The following MRC2 variants were observed in gnomAD, a reference collection of about 807,000 sequenced individuals.
MRC2 encodes C-type mannose receptor 2.
In MRC2, 84 loss-of-function variants were observed where a neutral mutation model predicts 206.2. The ratio of observed to expected loss-of-function variants is 0.41; its 90% CI spans 0.34 to 0.49. MRC2 has a LOEUF of 0.49. MRC2 is among the 20% of genes least tolerant of loss of function. MRC2 has a pLI of 0.31. For missense variants in MRC2, 1,676 were observed against 2,001.5 expected (o/e 0.84, Z 3.10); for synonymous variants, 798 against 800.0 (o/e 1.00, Z 0.04).
chr17:62,635,937 G>A (rs2088310593), intron 1 of MRC2, among the ~76,000 whole-genome samples: 3 of 151,640 alleles, frequency 2.0e-5, no homozygotes, highest in South Asian at 2.1e-4. Context: ...ACAGGCGCCC[G>A]CCACCACGCC....
chr17:62,641,983 T>C (rs1319547036), intron 1 of MRC2, among the ~76,000 whole-genome samples: 1 of 152,172 alleles, frequency 6.6e-6, no homozygotes, highest in Non-Finnish European at 1.5e-5. Flanking sequence ...CCTAAATACT[T>C]CAACATGTAA....
chr17:62,665,419 AAAAAAG>A (rs1221421063), intron 2 of MRC2, among the ~76,000 whole-genome samples: 1 of 151,940 alleles, frequency 6.6e-6, no homozygotes, highest in Non-Finnish European at 1.5e-5. Context: ...CCCACAAAAA[AAAAAAG>A]AAAAGAAAAG....
chr17:62,673,581 T>C (rs1414724819), intron 8 of MRC2, among the ~76,000 whole-genome samples: 2 of 148,210 alleles, frequency 1.3e-5, no homozygotes, highest in Non-Finnish European at 3.0e-5. Flanking sequence ...CGATCTTGGC[T>C]CACTGGAACC....
chr17:62,688,610 C>G lies in MRC2; in HGVS notation c.3171C>G (p.Asn1057Lys). Residue 1057 changes from asparagine to lysine, a missense_variant, in exon 22 of 30, where the codon AAC becomes AAG. Around this residue, in one of 3 missense-constraint regions of MRC2, gnomAD observed 1,354 missense variants for 1,636.6 expected, o/e 0.83. Transcript: ENST00000303375. ...AGCAGGAGCCTTTGATGTATGCCAACTGGGCACCTGGGGAGCCCTCTGGCC... is the reference window on the plus strand; with the variant it reads ...AGCAGGAGCCTTTGATGTATGCCAAGTGGGCACCTGGGGAGCCCTCTGGCC... ...WVEQEPLMYA[N>K]WAPGEPSGPS... The G allele has an allele frequency of 6.2e-7, 1 of 1,614,206 alleles. No homozygotes were observed.
In MRC2 at chr17:62,680,752, T is replaced by C. The variant is rs1408057121; in HGVS notation, c.2474-48T>C. The C allele has an allele frequency of 6.7e-7, 1 of 1,485,764 alleles. No homozygotes were observed. The highest frequency in any genetic ancestry group is 1.4e-5 in the South Asian group (1 of 72,060). The allele number at this position is 1,485,764 out of a possible 1,614,324, so 92.0% of individuals were successfully genotyped here. A position where few individuals can be genotyped will look rare whatever the true frequency, so the allele number is the denominator to read the frequency against. ...CCGCGCCCGCCTCCGGGGCCTGGCG[T>C]GCAGCCTCTGCCTGGCCGCCGCTCC... is the stretch of plus-strand genomic sequence containing the variant. On this transcript the variant is annotated intron_variant, in intron 16 of 29. Transcript: ENST00000303375. The surrounding 1 kb of genome is among the most constrained non-coding windows in gnomAD (Gnocchi z 4.8).
chr17:62,667,414 A>G lies in MRC2; in HGVS notation c.998A>G (p.Glu333Gly), dbSNP rs1266371680. The change falls in exon 6 of 30, where the codon GAG becomes GGG. Residue 333 changes from glutamate to glycine, a missense_variant. Glu to Gly is a moderately conservative substitution (Grantham distance 98). Transcript: ENST00000303375. This position sits in a 1 kb window ranked among gnomAD's most constrained non-coding sequence, Gnocchi z 4.1. ...ESDQPDNPSE[E>G]NCGVIRTESS... ...GACCAGCCGGACAACCCCAGTGAGG[A>G]GAACTGTGGAGTGATCCGCACTGAG... is the stretch of plus-strand genomic sequence containing the variant. 1.2e-6 allele frequency: 2 copies of G among 1,608,218 alleles called. No individual in the cohort carries two copies. Among genetic ancestry groups the G allele is most frequent in the Non-Finnish European group, 1.7e-6 (2 of 1,178,252 alleles).
chr17:62,648,225 G>A (rs1234975726), intron 1 of MRC2, among the ~76,000 whole-genome samples: 3 of 152,196 alleles, frequency 2.0e-5, no homozygotes, highest in Non-Finnish European at 4.4e-5. Flanking sequence ...CCAACATGGC[G>A]AAACCCCATC....
chr17:62,653,361 A>ACCCCCACCCCCG (rs368773251), intron 1 of MRC2, among the ~76,000 whole-genome samples: 17 of 151,200 alleles, frequency 1.1e-4, no homozygotes. Context: ...AGCCCGCATT[A>ACCCCCACCCCCG]CCCCCACCCC....
chr17:62,675,068 C>T lies in MRC2; in HGVS notation c.1570-722C>T, dbSNP rs2088874547. On this transcript the variant is annotated intron_variant, in intron 9 of 29. Coordinates refer to ENST00000303375, the MANE Select transcript of MRC2 (RefSeq NM_006039.5). The surrounding 1 kb of genome is among the most constrained non-coding windows in gnomAD (Gnocchi z 4.1). Reference sequence around the variant, plus strand: ...AGTCTGTGGACTGGCAAGGACAGTGCCTGGCCCAGGGGCTGTGTCATGGCT... The same window carrying T: ...AGTCTGTGGACTGGCAAGGACAGTGTCTGGCCCAGGGGCTGTGTCATGGCT... Among the ~76,000 whole-genome samples the T allele has an allele frequency of 3.3e-5, 5 of 152,154 alleles. No individual in the cohort carries two copies. The highest frequency in any genetic ancestry group is 3.3e-4 in the Admixed American group (5 of 15,280).
chr17:62,639,481 G>A (rs1313848075), intron 1 of MRC2, among the ~76,000 whole-genome samples: 4 of 152,186 alleles, frequency 2.6e-5, no homozygotes, highest in Non-Finnish European at 2.9e-5. Context: ...CTGACTGGGG[G>A]ACTGTAAATT....
chr17:62,638,054 G>C (rs890033319), intron 1 of MRC2, among the ~76,000 whole-genome samples: 2 of 152,014 alleles, frequency 1.3e-5, no homozygotes, highest in Non-Finnish European at 2.9e-5. Context: ...GTAGTGGGAG[G>C]GTCTTCCTAT....
chr17:62,689,120 C>G (rs1375237385), intron 23 of MRC2, among the ~76,000 whole-genome samples, 160 bp downstream of exon 23: 1 of 152,116 alleles, frequency 6.6e-6, no homozygotes, highest in Non-Finnish European at 1.5e-5. Context: ...GATGGAAAAG[C>G]AATAGCACCC....
chr17:62,628,162 G>T (rs1230897373), intron 1 of MRC2, among the ~76,000 whole-genome samples: 1 of 152,032 alleles, frequency 6.6e-6, no homozygotes, highest in Non-Finnish European at 1.5e-5. Flanking sequence ...CGGGCGGCGG[G>T]GGAGGGGAGC....
At chr17:62,682,934 CCCGGCCTGATTG>C (rs1190560284) in intron 20 of MRC2, among the ~76,000 whole-genome samples, 1 of 152,194 alleles carries the variant, frequency 6.6e-6, no homozygotes, top group East Asian at 1.9e-4. Context: ...AGCCACCGCG[CCCGGCCTGATTG>C]CCGGCCTGAT....
At chr17:62,690,594 C>A (rs1292532198) in intron 26 of MRC2, 48 bp from the exon 27 acceptor site, 1 of 1,378,840 alleles carries the variant, frequency 7.3e-7, no homozygotes, top group Non-Finnish European at 9.4e-7. Context: ...GGGACTCTGC[C>A]CCCCCCGGAG....
intron 6 of MRC2, among the ~76,000 whole-genome samples, chr17:62,668,250 G>T (rs1304428897): frequency 6.6e-6 from 1 of 151,936 alleles, no homozygotes; most frequent in Non-Finnish European, 1.5e-5. Context: ...TACTAGGGAG[G>T]TCGAGGTGGG....
rs781229980 is a variant in MRC2 at position 62,664,919 on chromosome 17, G to A, written c.490G>A (p.Glu164Lys). The A allele has an allele frequency of 3.9e-5, 63 of 1,611,350 alleles. No individual in the cohort carries two copies. In the East Asian group the frequency reaches 8.7e-4, roughly 22 times the overall value. ...TGGCCAGTGGCGCATCTACGGCAGC[G>A]AGGAGGACCTATGTGCTCTGCCCTA... Reference protein sequence around the residue: ...RSGQWRIYGSEEDLCALPYHE... With the variant: ...RSGQWRIYGSKEDLCALPYHE... Residue 164 changes from glutamate (E) to lysine (K), a missense_variant, in exon 2 of 30, where the codon GAG (glutamate) becomes AAG (lysine). Coordinates refer to ENST00000303375, the MANE Select transcript of MRC2 (RefSeq NM_006039.5). The surrounding 1 kb of genome is among the most constrained non-coding windows in gnomAD (Gnocchi z 4.7).
chr17:62,676,506 C>T lies in MRC2; in HGVS notation c.1809C>T (p.Tyr603=). Residue 603 remains tyrosine (Y), a synonymous_variant, in exon 11 of 30, where the codon TAC becomes TAT. Transcript: ENST00000303375. ...FFWLSGDEVM[Y]THWNRDQPGY... ...GGCTCAGTGGGGATGAAGTCATGTACACCCACTGGAACCGGGACCAGCCCG... is the reference window on the plus strand; with the variant it reads ...GGCTCAGTGGGGATGAAGTCATGTATACCCACTGGAACCGGGACCAGCCCG... 1 of 1,604,222 alleles carries T rather than the reference C, an allele frequency of 6.2e-7. No individual in the cohort carries two copies. The highest frequency in any genetic ancestry group is 8.5e-7 in the Non-Finnish European group (1 of 1,175,440).
rs898203234 is a variant in MRC2 at position 62,667,273 on chromosome 17, C to T, written c.974-117C>T. 1.6e-5 allele frequency: 22 copies of T among 1,363,372 alleles called. No homozygotes were observed. The East Asian group carries it at 3.0e-4, about 19-fold the overall frequency. The allele number at this position is 1,363,372 out of a possible 1,614,324, so 84.5% of individuals were successfully genotyped here. ...AGCTGGAGCTGAGCACCAGGCTTCC[C>T]GAACTGGCTCAGGCTTCCGAGGGAG... On this transcript the variant is annotated intron_variant, in intron 5 of 29. Coordinates refer to ENST00000303375, the MANE Select transcript of MRC2 (RefSeq NM_006039.5). This position sits in a 1 kb window ranked among gnomAD's most constrained non-coding sequence, Gnocchi z 4.1.
Sources: gnomAD v4.1 joint callset for allele counts (sites outside exome capture counted in the v4.1 genomes callset) on GRCh38, gnomAD v4.1.1 for gene constraint, gnomAD v4.1.1 regional missense constraint, Gnocchi (gnomAD v3.1) non-coding constraint, MANE v1.5 for transcripts, NCBI Gene and HGNC (gene_info 2026-07-23, HGNC 2026-07-21) for gene names.